The following CHST15 variants were observed in gnomAD, a reference collection of about 807,000 sequenced individuals.
CHST15 encodes the protein B cell RAG associated protein (GALNAC4S-6ST).
Under a neutral mutation model 53.6 loss-of-function variants are expected in CHST15, and 30 were observed. The observed-to-expected ratio is 0.56, with a 90% CI of 0.42 to 0.76. CHST15 has a LOEUF of 0.76. Ranked by LOEUF, CHST15 falls within the 30% of genes least tolerant of loss-of-function variation. CHST15 has a pLI of 0.00. For synonymous variants in CHST15, 296 were observed against 289.8 expected (o/e 1.02, Z -0.22); for missense variants, 627 against 740.5 (o/e 0.85, Z 1.78).
chr10:124,086,274 C>T lies in CHST15; in HGVS notation c.-513+7195G>A, dbSNP rs897862380. Among the ~76,000 whole-genome samples the T allele has an allele frequency of 2.6e-5, 4 of 152,346 alleles. No homozygotes were observed. The Middle Eastern group carries it at 0.01, about 389-fold the overall frequency. Reference sequence around the variant, plus strand: ...CGTACCTAACAGATGCCATTGACCACCCTCCAACCGTGGGCCGGGCACGGA... The same window carrying T: ...CGTACCTAACAGATGCCATTGACCATCCTCCAACCGTGGGCCGGGCACGGA... On this transcript the variant is annotated intron_variant, in intron 1 of 7. Transcript: ENST00000435907.
At chr10:124,020,275 C>A in intron 6 of CHST15, 1 of 985,534 alleles carries the variant, frequency 1.0e-6, no homozygotes, top group South Asian at 4.7e-5. Flanking sequence ...TGCCTAGAGT[C>A]ACAGAGCCAG....
At chr10:124,010,489 T>C in intron 7 of CHST15, 150 bp from the exon 8 acceptor site, 2 of 1,407,710 alleles carry the variant, frequency 1.4e-6, no homozygotes, top group Non-Finnish European at 1.8e-6. Context: ...GCTGGATCCA[T>C]TTTGGAAGCA....
rs1358334967 is a variant in CHST15 at position 124,024,024 on chromosome 10, T to C, written c.1191-2612A>G. On this transcript the variant is annotated intron_variant, in intron 5 of 7. Transcript: ENST00000435907. The surrounding 1 kb of genome is among the most constrained non-coding windows in gnomAD (Gnocchi z 4.0). ...ACACCCAGCTGATTTTTTGTATTTT[T>C]AGTAGGGACAGGGTTTCACTGTGTT... Among the ~76,000 whole-genome samples the C allele has an allele frequency of 5.3e-5, 8 of 152,266 alleles. No individual in the cohort carries two copies.
At chr10:124,045,126 A>AAAAAAAC (rs1947931116) in intron 2 of CHST15, among the ~76,000 whole-genome samples, 3 of 128,664 alleles carry the variant, frequency 2.3e-5, no homozygotes, top group African/African-American at 9.2e-5. Context: ...AAAAAAAAAA[A>AAAAAAAC]AAAAAAAAAA....
At chr10:124,082,925 T>G (rs951310449) in intron 1 of CHST15, among the ~76,000 whole-genome samples, 1 of 152,112 alleles carries the variant, frequency 6.6e-6, no homozygotes, top group East Asian at 1.9e-4. Context: ...GAAGGGTACA[T>G]GTAGGGGAAT....
chr10:124,048,028 A>C (rs1451036398), intron 1 of CHST15, among the ~76,000 whole-genome samples: 2 of 152,250 alleles, frequency 1.3e-5, no homozygotes, highest in Non-Finnish European at 2.9e-5. Context: ...AGGATTAAAC[A>C]ATCAGAACTC....
At chr10:124,029,529 A>C (rs1476128644) in intron 5 of CHST15, among the ~76,000 whole-genome samples, 1 of 152,184 alleles carries the variant, frequency 6.6e-6, no homozygotes, top group African/African-American at 2.4e-5. Context: ...GGGCCCCGGT[A>C]ACTGTTCACA....
intron 4 of CHST15, among the ~76,000 whole-genome samples, chr10:124,041,132 GA>G (rs1248976008): frequency 2.6e-5 from 4 of 151,732 alleles, no homozygotes; most frequent in Non-Finnish European, 4.4e-5. Context: ...GAGTTTAAAA[GA>G]AAAAAAAGAG....
At position 124,019,478 on chromosome 10, in the gene CHST15, G is replaced by C. The variant is rs971100084; in HGVS notation, c.1347+1778C>G. ...CCGAGACCCTGTGTCCCCTGTGACG[G>C]TGGCCACAGAGCCATTGAGTCATTC... On this transcript the variant is annotated intron_variant, in intron 6 of 7. Transcript: ENST00000435907. This position sits in a 1 kb window ranked among gnomAD's most constrained non-coding sequence, Gnocchi z 4.6. 6.6e-5 allele frequency among the ~76,000 whole-genome samples: 10 copies of C among 152,134 alleles called. No individual in the cohort carries two copies. The highest frequency in any genetic ancestry group is 1.9e-4 in the African/African-American group (8 of 41,438).
In CHST15 at chr10:124,009,946, G is replaced by A; in HGVS notation, c.*203C>T. The A allele has an allele frequency of 7.0e-7, 1 of 1,418,606 alleles. No homozygotes were observed. 87.9% of individuals were successfully genotyped at this position (1,418,606 alleles called of 1,614,324 possible). A position where few individuals can be genotyped will look rare whatever the true frequency, so the allele number is the denominator to read the frequency against. On this transcript the variant is annotated 3_prime_UTR_variant, in exon 8 of 8. Transcript: ENST00000435907. ...CTGGGGTCTCCAATGGCCTCGGATAGAGGAGCTCTGTGAGGGGTCCATTGC... is the reference window on the plus strand; with the variant it reads ...CTGGGGTCTCCAATGGCCTCGGATAAAGGAGCTCTGTGAGGGGTCCATTGC...
chr10:124,044,018 C>G (rs12773761), intron 3 of CHST15, among the ~76,000 whole-genome samples: 26,370 of 149,450 alleles, frequency 0.18, 2,383 homozygotes, highest in East Asian at 0.3. Flanking sequence ...CAGGGAGCAG[C>G]ACAGAGCAGG....
intron 1 of CHST15, among the ~76,000 whole-genome samples, chr10:124,050,683 G>A (rs1486348007): frequency 6.6e-6 from 1 of 152,212 alleles, no homozygotes; most frequent in African/African-American, 2.4e-5. Flanking sequence ...GGGAAGACCT[G>A]ATTTCAGAGG....
At chr10:124,038,918 C>T (rs1193169931) in intron 4 of CHST15, among the ~76,000 whole-genome samples, 1 of 152,040 alleles carries the variant, frequency 6.6e-6, no homozygotes, top group African/African-American at 2.4e-5. Flanking sequence ...CCATGCAACA[C>T]TGAGTGCCCC....
chr10:124,081,423 A>C (rs1287046633), intron 1 of CHST15, among the ~76,000 whole-genome samples: 2 of 152,124 alleles, frequency 1.3e-5, no homozygotes. Flanking sequence ...CCCAGCATCC[A>C]TCCCCGGAGA....
intron 6 of CHST15, among the ~76,000 whole-genome samples, chr10:124,015,525 G>A (rs369597290): frequency 1.5e-4 from 23 of 152,038 alleles, no homozygotes; most frequent in African/African-American, 5.3e-4. Context: ...CGAGAGCCAA[G>A]GCTGAGCTGA....
At chr10:124,076,926 G>T (rs937307940) in intron 1 of CHST15, among the ~76,000 whole-genome samples, 3 of 151,984 alleles carry the variant, frequency 2.0e-5, no homozygotes, top group South Asian at 2.1e-4. Flanking sequence ...AGCCAGGATG[G>T]TCTCAATCTC....
chr10:124,071,187 C>T (rs1948902873), intron 1 of CHST15, among the ~76,000 whole-genome samples: 1 of 152,236 alleles, frequency 6.6e-6, no homozygotes, highest in African/African-American at 2.4e-5. Context: ...GCTCTCTCTT[C>T]CTAGCCCAGA....
chr10:124,038,598 C>T lies in CHST15; in HGVS notation c.1107G>A (p.Glu369=). 6.2e-7 allele frequency: 1 copy of T among 1,614,148 alleles called. No individual in the cohort carries two copies. The highest frequency in any genetic ancestry group is 8.5e-7 in the Non-Finnish European group (1 of 1,180,020). The change falls in exon 5 of 8, where the codon GAG becomes GAA. Residue 369 remains glutamate (E), a synonymous_variant. Coordinates refer to ENST00000435907, the MANE Select transcript of CHST15 (RefSeq NM_001270764.2). ...TFFYDNSTDG[E]PPFLTQDFIH... Reference sequence around the variant, plus strand: ...TGAAGTCCTGCGTCAGAAACGGTGGCTCGCCATCCGTGCTGTTGTCGTAGA... The same window carrying T: ...TGAAGTCCTGCGTCAGAAACGGTGGTTCGCCATCCGTGCTGTTGTCGTAGA...
chr10:124,044,070 A>C (rs111861869), intron 3 of CHST15, among the ~76,000 whole-genome samples: 4,428 of 144,132 alleles, frequency 0.031, 214 homozygotes, highest in African/African-American at 0.11. Context: ...CAGGGGAACA[A>C]CACAGAGCAG....
Sources: allele counts gnomAD v4.1 joint callset (sites outside exome capture counted in the v4.1 genomes callset), GRCh38; gene constraint gnomAD v4.1.1; non-coding constraint Gnocchi (gnomAD v3.1); transcripts MANE v1.5; gene names NCBI Gene and HGNC (gene_info 2026-07-23, HGNC 2026-07-21).